Variants in CXCL13 observed in about 807,000 individuals in gnomAD.
CXCL13 encodes the protein C-X-C motif chemokine 13.
Under a neutral mutation model 12.2 loss-of-function variants are expected in CXCL13, and 7 were observed. The ratio of observed to expected loss-of-function variants is 0.57; its 90% CI spans 0.33 to 1.07. CXCL13 has a LOEUF of 1.07. Ranked by LOEUF, CXCL13 falls within the 50% of genes least tolerant of loss-of-function variation. CXCL13 has a pLI of 0.04. For missense variants in CXCL13, 113 were observed against 127.4 expected, an observed-to-expected ratio of 0.89 and a Z score of 0.55; for synonymous variants, 47 against 42.4, an observed-to-expected ratio of 1.11 and a Z score of -0.42.
intron 1 of CXCL13, among the ~76,000 whole-genome samples, chr4:77,548,702 C>T (rs1168726989): frequency 6.6e-6 from 1 of 152,194 alleles, no homozygotes; most frequent in Non-Finnish European, 1.5e-5. Flanking sequence ...GCTGAGAGAT[C>T]CACTGTTAAT....
chr4:77,561,930 G>A (rs1390161743), intron 1 of CXCL13, among the ~76,000 whole-genome samples: 13 of 152,166 alleles, frequency 8.5e-5, no homozygotes, highest in Admixed American at 7.2e-4. Context: ...CAGTGCTTGT[G>A]GGCCAGCACA....
At chr4:77,536,707 CAA>C (rs1316012298) in intron 1 of CXCL13, among the ~76,000 whole-genome samples, 2 of 152,124 alleles carry the variant, frequency 1.3e-5, no homozygotes, top group Admixed American at 1.3e-4. Flanking sequence ...GGCAAAGAAA[CAA>C]GAGGAAAAGT....
chr4:77,515,373 A>G (rs1413764701), intron 1 of CXCL13, among the ~76,000 whole-genome samples: 1 of 152,146 alleles, frequency 6.6e-6, no homozygotes, highest in Non-Finnish European at 1.5e-5. Flanking sequence ...TGGGGATGGC[A>G]TTGAATCTAT....
At chr4:77,521,837 T>G (rs1260622998) in intron 1 of CXCL13, among the ~76,000 whole-genome samples, 5 of 152,210 alleles carry the variant, frequency 3.3e-5, no homozygotes, top group Admixed American at 3.3e-4. Flanking sequence ...AGCTTTCTCT[T>G]GTGGGCATTT....
intron 1 of CXCL13, among the ~76,000 whole-genome samples, chr4:77,590,349 C>T (rs1223981273): frequency 6.6e-6 from 1 of 152,176 alleles, no homozygotes; most frequent in African/African-American, 2.4e-5. Context: ...CAAAAGTCAC[C>T]ATCCTACTTC....
chr4:77,517,802 T>C (rs560848662), intron 1 of CXCL13, among the ~76,000 whole-genome samples: 65 of 152,244 alleles, frequency 4.3e-4, no homozygotes, highest in Non-Finnish European at 8.1e-4. Context: ...ATTGAGTCCA[T>C]TTACATTTAA....
At position 77,610,706 on chromosome 4, in the gene CXCL13, A is replaced by C; in HGVS notation, c.278+12A>C. 3.1e-6 allele frequency: 5 copies of C among 1,596,986 alleles called. No individual in the cohort carries two copies. The highest frequency in any genetic ancestry group is 4.3e-6 in the Non-Finnish European group (5 of 1,164,352). On this transcript the variant is annotated intron_variant, in intron 3 of 3. Transcript: ENST00000682537. ...GAAGTATTGAGAAAGTAAGTTAGGC[A>C]TAACAAGGGGTTTCAGATTCCAACT...
At chr4:77,608,824 G>A (rs982974349) in intron 2 of CXCL13, among the ~76,000 whole-genome samples, 5 of 152,168 alleles carry the variant, frequency 3.3e-5, no homozygotes, top group African/African-American at 9.7e-5. Flanking sequence ...TGACCTACTT[G>A]GGAGTAGTTC....
chr4:77,540,815 G>A (rs1233934647), intron 1 of CXCL13, among the ~76,000 whole-genome samples: 1 of 152,126 alleles, frequency 6.6e-6, no homozygotes, highest in Non-Finnish European at 1.5e-5. Flanking sequence ...TCCTTTTTAA[G>A]TTCTTTGAGA....
At chr4:77,562,265 G>C (rs1033554322) in intron 1 of CXCL13, among the ~76,000 whole-genome samples, 1 of 148,266 alleles carries the variant, frequency 6.7e-6, no homozygotes, top group African/African-American at 2.5e-5. Context: ...CCTCCCTGAC[G>C]GGCAACGCCC....
rs560251472 is a variant in CXCL13 at position 77,597,743 on chromosome 4, G to A, written c.-42-8081G>A. Among the ~76,000 whole-genome samples, 4 of 152,212 alleles carry A rather than the reference G, an allele frequency of 2.6e-5. No individual in the cohort carries two copies. The South Asian group carries it at 8.3e-4, about 32-fold the overall frequency. ...GGAAGTGCACAAATGGCTCTTGGGT[G>A]GGCAACAGGATCTGCTCTGTGGCCA... On this transcript the variant is annotated intron_variant, in intron 1 of 4. Coordinates refer to the CXCL13 transcript ENST00000286758.
intron 1 of CXCL13, among the ~76,000 whole-genome samples, chr4:77,512,726 G>A (rs1331518837): frequency 1.3e-5 from 2 of 152,046 alleles, no homozygotes; most frequent in Non-Finnish European, 1.5e-5. Flanking sequence ...CAGATGATTT[G>A]GGTGGTGGAA....
intron 1 of CXCL13, among the ~76,000 whole-genome samples, chr4:77,557,367 C>T (rs1436527631): frequency 6.6e-6 from 1 of 152,132 alleles, no homozygotes; most frequent in East Asian, 1.9e-4. Flanking sequence ...GGGCCTGGAA[C>T]CTGGCCTTTT....
intron 1 of CXCL13, among the ~76,000 whole-genome samples, chr4:77,594,592 A>G (rs1560536129): frequency 6.6e-6 from 1 of 152,144 alleles, no homozygotes; most frequent in African/African-American, 2.4e-5. Context: ...GGCTCTGTTG[A>G]CAGGCAGCTG....
chr4:77,539,240 A>G (rs1427421037), intron 1 of CXCL13, among the ~76,000 whole-genome samples: 1 of 152,058 alleles, frequency 6.6e-6, no homozygotes, highest in African/African-American at 2.4e-5. Flanking sequence ...CCTGGCTCCC[A>G]GTGAAGGGAC....
upstream of CXCL13, among the ~76,000 whole-genome samples, chr4:77,601,804 C>T (rs62304090): frequency 2.6e-5 from 4 of 152,142 alleles, no homozygotes; most frequent in African/African-American, 9.7e-5. Context: ...CTACACAATC[C>T]CCTGAGATGA....
intron 1 of CXCL13, among the ~76,000 whole-genome samples, chr4:77,562,173 C>T (rs1725831209): frequency 1.4e-5 from 2 of 146,430 alleles, no homozygotes; most frequent in African/African-American, 5.0e-5. Flanking sequence ...CCGCTGCCCC[C>T]ACCCCCCCAT....
chr4:77,571,070 G>A (rs1273460383), intron 1 of CXCL13, among the ~76,000 whole-genome samples: 2 of 152,154 alleles, frequency 1.3e-5, no homozygotes, highest in South Asian at 4.1e-4. Context: ...GGGACTGGCA[G>A]GCAGCTCCAT....
At chr4:77,595,430 G>T (rs114942208) in intron 1 of CXCL13, among the ~76,000 whole-genome samples, 351 of 152,286 alleles carry the variant, frequency 2.3e-3, no homozygotes, top group African/African-American at 8.1e-3. Flanking sequence ...TTGCCTGCAA[G>T]ATAGTTTGCT....
Sources: allele counts gnomAD v4.1 joint callset (sites outside exome capture counted in the v4.1 genomes callset), GRCh38; gene constraint gnomAD v4.1.1; transcripts MANE v1.5; gene names NCBI Gene and HGNC (gene_info 2026-07-23, HGNC 2026-07-21).